The following ZNF775 variants were observed in gnomAD, a reference collection of about 807,000 sequenced individuals.
The protein encoded by ZNF775 is zinc finger protein 775.
Under a neutral mutation model 2.4 loss-of-function variants are expected in ZNF775, and 1 was observed. That is an observed-to-expected ratio of 0.41 (90% confidence interval 0.15 to 1.94). ZNF775 has a LOEUF of 1.94. Ranked by LOEUF, ZNF775 falls within the 30% of genes most tolerant of loss-of-function variation. The probability of loss-of-function intolerance (pLI) is 0.30; values close to 1 mark genes in which losing one functional copy is unlikely to be tolerated. For missense variants in ZNF775, 823 were observed against 826.6 expected, an observed-to-expected ratio of 1.00 and a Z score of 0.05; for synonymous variants, 381 against 373.3, an observed-to-expected ratio of 1.02 and a Z score of -0.24.
Position 150,397,859 on chromosome 7 carries a change from G to C in ZNF775, c.1378G>C (p.Ala460Pro). The C allele has an allele frequency of 6.2e-7, 1 of 1,601,778 alleles. No homozygotes were observed. The highest frequency in any genetic ancestry group is 8.5e-7 in the Non-Finnish European group (1 of 1,177,954). Residue 460 changes from alanine to proline, a missense_variant, in exon 3 of 3, where the codon GCG becomes CCG. Coordinates refer to ENST00000329630, the MANE Select transcript of ZNF775 (RefSeq NM_173680.4). ...CGGCAAGAGCTTCTCGTGGTGGTCGGCGCTCACCATCCACCAGCGCATCCA... is the reference window on the plus strand; with the variant it reads ...CGGCAAGAGCTTCTCGTGGTGGTCGCCGCTCACCATCCACCAGCGCATCCA... ...ECGKSFSWWS[A>P]LTIHQRIHTG...
Position 150,397,682 on chromosome 7 carries a change from G to A in ZNF775, c.1201G>A (p.Gly401Ser). The stretch of plus-strand genomic sequence containing the variant: ...GCCCGCCGTTCCGGCCGGGGAACCG[G>A]GCGACCAGCCGCAGGCCGAGGCCAT... ...AEPAVPAGEP[G>S]DQPQAEAIPG... Residue 401 changes from glycine to serine, a missense_variant, in exon 3 of 3, where the codon GGC becomes AGC. Transcript: ENST00000329630. 1 of 1,341,884 alleles carries A rather than the reference G, an allele frequency of 7.5e-7. No individual in the cohort carries two copies. Among genetic ancestry groups the A allele is most frequent in the Non-Finnish European group, 9.5e-7 (1 of 1,053,008 alleles). 83.1% of individuals were successfully genotyped at this position (1,341,884 alleles called of 1,614,324 possible). A position where few individuals can be genotyped will look rare whatever the true frequency, so the allele number is the denominator to read the frequency against.
chr7:150,381,500 C>T (rs1800360695), intron 1 of ZNF775, among the ~76,000 whole-genome samples: 1 of 152,174 alleles, frequency 6.6e-6, no homozygotes, highest in Non-Finnish European at 1.5e-5. Flanking sequence ...ATTTGTCTTG[C>T]ACCTTGGGAA....
intron 1 of ZNF775, among the ~76,000 whole-genome samples, chr7:150,380,787 C>T (rs1355033295): frequency 6.6e-6 from 1 of 152,204 alleles, no homozygotes; most frequent in Admixed American, 6.5e-5. Flanking sequence ...CCACACGTTT[C>T]GTGTGGTCTG....
chr7:150,389,877 G>A (rs972779429), intron 2 of ZNF775, among the ~76,000 whole-genome samples: 1 of 17,426 alleles, frequency 5.7e-5, no homozygotes, highest in Non-Finnish European at 1.6e-4. Flanking sequence ...GTGTGTGTGT[G>A]TGTGTGTGTG....
chr7:150,398,347 A>G lies in ZNF775; in HGVS notation c.*252A>G, dbSNP rs1800722938. The G allele has an allele frequency of 1.3e-5, 8 of 592,632 alleles. No homozygotes were observed. Among genetic ancestry groups the G allele is most frequent in the Non-Finnish European group, 2.0e-5 (7 of 350,250 alleles). The allele number at this position is 592,632 out of a possible 1,614,324, so 36.7% of individuals were successfully genotyped here. On this transcript the variant is annotated 3_prime_UTR_variant, in exon 3 of 3. Coordinates refer to ENST00000329630, the MANE Select transcript of ZNF775 (RefSeq NM_173680.4). ...GGGCCGGGATGTGACCACCCTCTTC[A>G]GAGGTTGGACCCCAGGCTTCAAGCA... is the stretch of plus-strand genomic sequence containing the variant.
At position 150,389,622 on chromosome 7, in the gene ZNF775, G is replaced by A. The variant is rs533518180; in HGVS notation, c.31+1121G>A. 8.5e-5 allele frequency among the ~76,000 whole-genome samples: 13 copies of A among 152,302 alleles called. No homozygotes were observed. In the South Asian group the frequency reaches 2.5e-3, roughly 29 times the overall value. ...TACCTGGGATCCTGAGTCACTGTGA[G>A]GTTGCTCTGGTTGATGTGAGCTGTG... On this transcript the variant is annotated intron_variant, in intron 2 of 2. Transcript: ENST00000329630.
rs1563261467 is a variant in ZNF775, at chr7:150,397,869, T to C, written c.1388T>C (p.Ile463Thr). The C allele has an allele frequency of 2.5e-6, 4 of 1,602,680 alleles. No homozygotes were observed. The highest frequency in any genetic ancestry group is 3.4e-6 in the Non-Finnish European group (4 of 1,178,458). The change falls in exon 3 of 3, where the codon ATC (isoleucine) becomes ACC (threonine). Residue 463 changes from isoleucine to threonine, a missense_variant. By Grantham distance (89) the Ile-to-Thr change is moderately conservative (BLOSUM62 -1). Coordinates refer to ENST00000329630, the MANE Select transcript of ZNF775 (RefSeq NM_173680.4). The stretch of plus-strand genomic sequence containing the variant: ...TTCTCGTGGTGGTCGGCGCTCACCA[T>C]CCACCAGCGCATCCACACGGGTGAG... ...KSFSWWSALT[I>T]HQRIHTGERP... is the part of the protein sequence containing the mutation.
In ZNF775 at chr7:150,397,051, C is replaced by T. The variant is rs1465255340; in HGVS notation, c.570C>T (p.Thr190=). The T allele has an allele frequency of 2.5e-6, 4 of 1,595,588 alleles. No individual in the cohort carries two copies. Among genetic ancestry groups the T allele is most frequent in the Non-Finnish European group, 3.4e-6 (4 of 1,177,498 alleles). ...AGAAGACCCACTCCCGGCCCGCCAC[C>T]CACTCGTGCCCCGAGTGCGAGCGCT... ...KHQKTHSRPA[T]HSCPECERCF... Residue 190 remains threonine, a synonymous_variant, in exon 3 of 3, where the codon ACC becomes ACT. Coordinates refer to ENST00000329630, the MANE Select transcript of ZNF775 (RefSeq NM_173680.4).
chr7:150,381,010 G>A (rs532636552), intron 1 of ZNF775, among the ~76,000 whole-genome samples: 1 of 152,324 alleles, frequency 6.6e-6, no homozygotes, highest in East Asian at 1.9e-4. Context: ...GGATGCAAAC[G>A]TGTTTATTAA....
chr7:150,393,588 G>A (rs1800597429), intron 2 of ZNF775, among the ~76,000 whole-genome samples: 1 of 152,256 alleles, frequency 6.6e-6, no homozygotes, highest in Non-Finnish European at 1.5e-5. Context: ...CCACCAGGAA[G>A]GAAAGAGCCC....
At position 150,384,126 on chromosome 7, in the gene ZNF775, G is replaced by T. The variant is rs776350174; in HGVS notation, c.-49-4296G>T. 2.6e-5 allele frequency among the ~76,000 whole-genome samples: 4 copies of T among 152,240 alleles called. No homozygotes were observed. In the South Asian group the frequency reaches 6.2e-4, roughly 24 times the overall value. On this transcript the variant is annotated intron_variant, in intron 1 of 2. Coordinates refer to ENST00000329630, the MANE Select transcript of ZNF775 (RefSeq NM_173680.4). This position sits in a 1 kb window ranked among gnomAD's most constrained non-coding sequence, Gnocchi z 4.1. ...CTGTGAGGCTCTTAACTGAACTGCA[G>T]CCTGACCCGGTGCGCGGAGGGCCGG...
chr7:150,391,706 C>CTTTTTTTTTTTTTTTTTTTTTT (rs535705895), intron 2 of ZNF775, among the ~76,000 whole-genome samples: 1 of 73,598 alleles, frequency 1.4e-5, no homozygotes, highest in Non-Finnish European at 2.5e-5. Context: ...TCCTTTCTTT[C>CTTTTTTTTTTTTTTTTTTTTTT]TTTTTTTTTT....
At chr7:150,396,112 T>A (rs1800644090) in intron 2 of ZNF775, among the ~76,000 whole-genome samples, 2 of 152,194 alleles carry the variant, frequency 1.3e-5, no homozygotes, top group Non-Finnish European at 2.9e-5. Flanking sequence ...CCTTGCCCCC[T>A]GGGTCAGCAG....
At position 150,397,854 on chromosome 7, in the gene ZNF775, G is replaced by T; in HGVS notation, c.1373G>T (p.Trp458Leu). The T allele has an allele frequency of 6.2e-7, 1 of 1,602,478 alleles. No homozygotes were observed. Among genetic ancestry groups the T allele is most frequent in the South Asian group, 1.1e-5 (1 of 90,740 alleles). Residue 458 changes from tryptophan to leucine, a missense_variant, in exon 3 of 3, where the codon TGG becomes TTG. Transcript: ENST00000329630. ...CNECGKSFSW[W>L]SALTIHQRIH... ...GAGTGCGGCAAGAGCTTCTCGTGGTGGTCGGCGCTCACCATCCACCAGCGC... is the reference window on the plus strand; with the variant it reads ...GAGTGCGGCAAGAGCTTCTCGTGGTTGTCGGCGCTCACCATCCACCAGCGC...
rs1800389395 is a variant in ZNF775 at position 150,382,994 on chromosome 7, TGTGTGTCTGTGGATCTGTAG to T, written c.-50+3614_-50+3633del. 6.6e-6 allele frequency among the ~76,000 whole-genome samples: 1 copy of T among 152,224 alleles called. No individual in the cohort carries two copies. On this transcript the variant is annotated intron_variant, in intron 1 of 2. Transcript: ENST00000329630. This position sits in a 1 kb window ranked among gnomAD's most constrained non-coding sequence, Gnocchi z 4.6. ...CTGCCCTGGTTCACAGTGGCACGTT[TGTGTGTCTGTGGATCTGTAG>T]GTGTGTCTGTGAGTTTTAAAAAATA...
At chr7:150,387,640 C>T (rs1227568310) in intron 1 of ZNF775, among the ~76,000 whole-genome samples, 6 of 152,076 alleles carry the variant, frequency 3.9e-5, no homozygotes, top group African/African-American at 7.2e-5. Context: ...GGTGAAACCC[C>T]GTCTCTACTA....
intron 1 of ZNF775, among the ~76,000 whole-genome samples, chr7:150,385,444 C>G (rs564803018): frequency 8.0e-5 from 12 of 149,414 alleles, no homozygotes; most frequent in Admixed American, 2.0e-4. Context: ...CCCCAAGCGA[C>G]TGCAAAGACG....
chr7:150,389,053 C>T (rs1256683840), intron 2 of ZNF775, among the ~76,000 whole-genome samples: 1 of 152,230 alleles, frequency 6.6e-6, no homozygotes, highest in South Asian at 2.1e-4. Context: ...GCCCAGCGTC[C>T]CTGCGCCTGG....
chr7:150,380,454 A>G (rs975359404), intron 1 of ZNF775, among the ~76,000 whole-genome samples: 2 of 152,184 alleles, frequency 1.3e-5, no homozygotes, highest in Non-Finnish European at 2.9e-5. Context: ...TGCACAGGTT[A>G]AACAGAGAAG....
Sources: allele counts gnomAD v4.1 joint callset (sites outside exome capture counted in the v4.1 genomes callset), GRCh38; gene constraint gnomAD v4.1.1; non-coding constraint Gnocchi (gnomAD v3.1); transcripts MANE v1.5; gene names NCBI Gene and HGNC (gene_info 2026-07-23, HGNC 2026-07-21).